The following CCDC171 variants were observed in gnomAD, a reference collection of about 807,000 sequenced individuals.
The protein encoded by CCDC171 is coiled-coil domain-containing protein 171.
Under a neutral mutation model 168.2 loss-of-function variants are expected in CCDC171, and 177 were observed. That is an observed-to-expected ratio of 1.05 (90% CI 0.93 to 1.19). CCDC171 has a LOEUF of 1.19. Among genes scored for constraint, CCDC171 ranks in the 50% most tolerant of loss-of-function variants. The pLI is 0.00. For synonymous variants in CCDC171, 687 were observed against 540.8 expected (o/e 1.27, Z -3.75); for missense variants, 1,991 against 1,539.0 (o/e 1.29, Z -4.91).
intron 21 of CCDC171, among the ~76,000 whole-genome samples, chr9:15,814,035 C>T (rs1277778028): frequency 2.0e-5 from 3 of 152,188 alleles, no homozygotes; most frequent in Non-Finnish European, 2.9e-5. Context: ...CCCCTTGACA[C>T]TTGTGTGGTT....
intron 21 of CCDC171, among the ~76,000 whole-genome samples, chr9:15,840,889 A>G (rs1039891722): frequency 1.3e-5 from 2 of 152,116 alleles, no homozygotes; most frequent in African/African-American, 2.4e-5. Context: ...CTTAGAACAA[A>G]TAGCATTCAA....
intron 4 of CCDC171, chr9:15,588,602 G>C (rs1305967917): frequency 2.0e-5 from 6 of 298,746 alleles, no homozygotes; most frequent in African/African-American, 1.4e-4. Flanking sequence ...CAGCGTGCTG[G>C]AGACGCCAAG....
At position 15,971,756 on chromosome 9, in the gene CCDC171, C is replaced by T. The variant is rs1299621750; in HGVS notation, c.3901C>T (p.Pro1301Ser). The change falls in exon 26 of 26, where the codon CCC becomes TCC. Residue 1301 changes from proline (P) to serine (S), a missense_variant. Coordinates refer to ENST00000380701, the MANE Select transcript of CCDC171 (RefSeq NM_173550.4). ...FLKETFINTVPHALTSSHSSP... is the reference protein window; with the variant it reads ...FLKETFINTVSHALTSSHSSP... ...AAAGGAGACATTTATAAATACTGTG[C>T]CCCATGCTCTGACATCATCTCACTC... 2 of 1,613,912 alleles carry T rather than the reference C, an allele frequency of 1.2e-6. No individual in the cohort carries two copies. Among genetic ancestry groups the T allele is most frequent in the Non-Finnish European group, 1.7e-6 (2 of 1,179,872 alleles).
chr9:16,025,411 G>A (rs7038450), intron 6 of CCDC171, among the ~76,000 whole-genome samples: 6,369 of 152,160 alleles, frequency 0.042, 449 homozygotes, highest in African/African-American at 0.14. Context: ...CTGAGATTGC[G>A]CCACGGCACT....
chr9:15,625,848 T>G (rs180769321), intron 7 of CCDC171, among the ~76,000 whole-genome samples: 1 of 152,226 alleles, frequency 6.6e-6, no homozygotes, highest in Admixed American at 6.5e-5. Context: ...TTTCCAATTC[T>G]GTGAAGAAAG....
At chr9:15,642,056 C>T (rs2046651291) in intron 7 of CCDC171, among the ~76,000 whole-genome samples, 1 of 151,824 alleles carries the variant, frequency 6.6e-6, no homozygotes, top group Non-Finnish European at 1.5e-5. Context: ...CCCAGCTACT[C>T]AGGAGGCTGA....
intron 24 of CCDC171, among the ~76,000 whole-genome samples, chr9:15,909,625 C>T (rs557632795): frequency 1.3e-5 from 2 of 152,148 alleles, no homozygotes; most frequent in East Asian, 1.9e-4. Context: ...TTGCTGTTTG[C>T]GTGCTATTAG....
intron 24 of CCDC171, among the ~76,000 whole-genome samples, chr9:15,876,920 T>G (rs1817921635): frequency 6.6e-6 from 1 of 152,078 alleles, no homozygotes; most frequent in Non-Finnish European, 1.5e-5. Flanking sequence ...ATATGAACCA[T>G]TTGCCCAACT....
chr9:15,558,654 C>G (rs1586944136), intron 1 of CCDC171, among the ~76,000 whole-genome samples: 3 of 152,124 alleles, frequency 2.0e-5, no homozygotes, highest in African/African-American at 7.2e-5. Flanking sequence ...AGTGGTCTAG[C>G]AATTTTGTTG....
chr9:15,743,138 C>CTTTTTTTTTT (rs66642691), intron 16 of CCDC171, among the ~76,000 whole-genome samples: 17 of 73,270 alleles, frequency 2.3e-4, no homozygotes, highest in African/African-American at 2.9e-4. Context: ...CTGTTACCTT[C>CTTTTTTTTTT]TTTTTTTTTT....
chr9:15,667,069 T>C (rs1172176932), intron 9 of CCDC171, among the ~76,000 whole-genome samples: 2 of 152,204 alleles, frequency 1.3e-5, no homozygotes, highest in Non-Finnish European at 2.9e-5. Context: ...AGAATCTTTC[T>C]GACTCCTACT....
chr9:15,947,355 A>T (rs1299838995), intron 25 of CCDC171, among the ~76,000 whole-genome samples: 2 of 151,872 alleles, frequency 1.3e-5, no homozygotes, highest in Non-Finnish European at 2.9e-5. Flanking sequence ...GTAATTTCCC[A>T]TTTCCCCCAT....
At chr9:15,823,564 A>C (rs1371756882) in intron 21 of CCDC171, among the ~76,000 whole-genome samples, 1 of 152,138 alleles carries the variant, frequency 6.6e-6, no homozygotes, top group Admixed American at 6.5e-5. Flanking sequence ...GTTAAGATAC[A>C]TAATATTGCT....
chr9:16,003,924 G>A (rs906282590), intron 3 of CCDC171, among the ~76,000 whole-genome samples: 9 of 152,298 alleles, frequency 5.9e-5, no homozygotes, highest in African/African-American at 2.2e-4. Flanking sequence ...AGGGCTGTGT[G>A]CAAACACACG....
rs540637986 is a variant in CCDC171 at position 15,635,553 on chromosome 9, A to G, written c.822+12140A>G. On this transcript the variant is annotated intron_variant, in intron 7 of 25. Transcript: ENST00000380701. ...TTTATTCTAGCCATGCTGGCAGCTG[A>G]TTAGATGGTGCCCACCCAGACTGAG... 1.4e-3 allele frequency among the ~76,000 whole-genome samples: 209 copies of G among 152,274 alleles called. 1 individual carries two copies. Among genetic ancestry groups the G allele is most frequent in the African/African-American group, 4.9e-3 (205 of 41,566 alleles).
chr9:15,650,951 C>G (rs1477736049), intron 7 of CCDC171, among the ~76,000 whole-genome samples: 1 of 152,000 alleles, frequency 6.6e-6, no homozygotes, highest in Non-Finnish European at 1.5e-5. Context: ...AACTTTAGGA[C>G]TTATTCCTTC....
rs2052184275 is a variant in CCDC171, at chr9:15,705,924, A to G, written c.1318+10587A>G. On this transcript the variant is annotated intron_variant, in intron 11 of 25. Coordinates refer to ENST00000380701, the MANE Select transcript of CCDC171 (RefSeq NM_173550.4). ...ATTTTACATTTTAAGTTTTGAAGTT[A>G]TAAAGGTGATCATGGAATCTCTTTC... is the stretch of plus-strand genomic sequence containing the variant. Among the ~76,000 whole-genome samples, 6 of 152,234 alleles carry G rather than the reference A, an allele frequency of 3.9e-5. 1 individual carries two copies. Among genetic ancestry groups the G allele is most frequent in the Admixed American group, 3.3e-4 (5 of 15,290 alleles).
At position 15,623,462 on chromosome 9, in the gene CCDC171, T is replaced by TGCGCGCGCGCGCGC. The variant is rs778581123; in HGVS notation, c.822+49_822+50insGCGCGCGCGCGCGC. The TGCGCGCGCGCGCGC allele has an allele frequency of 7.6e-5, 37 of 486,826 alleles. No individual in the cohort carries two copies. In the East Asian group the frequency reaches 3.0e-3, roughly 39 times the overall value. The allele number at this position is 486,826 out of a possible 1,614,324, so 30.2% of individuals were successfully genotyped here. On this transcript the variant is annotated intron_variant, in intron 7 of 25. Transcript: ENST00000380701. ...ATATATATGCGTACAAACTTTCACA[T>TGCGCGCGCGCGCGC]ATGCGCGCGCGCGCACACACACACA...
intron 21 of CCDC171, among the ~76,000 whole-genome samples, chr9:15,824,723 G>T (rs546979630): frequency 2.0e-5 from 3 of 152,100 alleles, no homozygotes; most frequent in African/African-American, 7.2e-5. Context: ...GAATAATGTG[G>T]TACCTTTCTA....
Sources: gnomAD v4.1 joint callset for allele counts (sites outside exome capture counted in the v4.1 genomes callset) on GRCh38, gnomAD v4.1.1 for gene constraint, MANE v1.5 for transcripts, NCBI Gene and HGNC (gene_info 2026-07-23, HGNC 2026-07-21) for gene names.